The following GSE1 variants were observed in gnomAD, a reference collection of about 807,000 sequenced individuals.
GSE1 encodes genetic suppressor element 1.
In GSE1, 32 loss-of-function variants were observed where a neutral mutation model predicts 112.6. That is an observed-to-expected ratio of 0.28 (90% CI 0.21 to 0.38). GSE1 has a LOEUF of 0.38. GSE1 is among the 10% of genes least tolerant of loss of function. GSE1 has a pLI of 1.00. For missense variants in GSE1, 2,348 were observed against 1,699.2 expected (o/e 1.38, Z -6.71); for synonymous variants, 1,115 against 735.6 (o/e 1.52, Z -8.35).
At chr16:85,414,095 CA>C (rs148268149) in intron 2 of GSE1, among the ~76,000 whole-genome samples, 2,104 of 152,314 alleles carry the variant, frequency 0.014, 31 homozygotes, top group African/African-American at 0.037. Flanking sequence ...TTCTTTATAG[CA>C]GTGTGAGAAC....
At chr16:85,229,415 C>G (rs2075544378) in intron 1 of GSE1, among the ~76,000 whole-genome samples, 2 of 152,362 alleles carry the variant, frequency 1.3e-5, no homozygotes, top group East Asian at 3.9e-4. Context: ...CTCTGGCCTT[C>G]CCTGGCCCAC....
chr16:85,555,485 C>T (rs1486133173), upstream of GSE1: 1 of 985,108 alleles, frequency 1.0e-6, no homozygotes, highest in Non-Finnish European at 1.2e-6. Flanking sequence ...CAATCGCCGC[C>T]TCTTTTATTT....
chr16:85,665,111 C>G lies in GSE1; in HGVS notation c.2741C>G (p.Pro914Arg), dbSNP rs765992898. Residue 914 changes from proline to arginine, a missense_variant, in exon 12 of 16, where the codon CCT becomes CGT. Pro to Arg is a moderately radical substitution (Grantham distance 103). Coordinates refer to ENST00000253458, the MANE Select transcript of GSE1 (RefSeq NM_014615.5). The stretch of plus-strand genomic sequence containing the variant: ...TTGACAAACTCTCCGAGGGACAGTC[C>G]TGCCGTCTCCCTGAGTGGTAAGGGA... ...DSLTNSPRDSPAVSLSEPATQ... is the reference protein window; with the variant it reads ...DSLTNSPRDSRAVSLSEPATQ... 7 of 1,603,996 alleles carry G rather than the reference C, an allele frequency of 4.4e-6. No individual in the cohort carries two copies. In the African/African-American group the frequency reaches 6.7e-5, roughly 15 times the overall value.
chr16:85,501,417 G>A (rs1038604079), intron 2 of GSE1, among the ~76,000 whole-genome samples: 1 of 146,460 alleles, frequency 6.8e-6, no homozygotes, highest in Non-Finnish European at 1.5e-5. Flanking sequence ...TTAGGGGATG[G>A]AGTCTTACTG....
At chr16:85,580,700 GC>G (rs2046413299) in intron 1 of GSE1, among the ~76,000 whole-genome samples, 1 of 152,344 alleles carries the variant, frequency 6.6e-6, no homozygotes, top group South Asian at 2.1e-4. Context: ...TGGAAATGGA[GC>G]CTCTAAGGAA....
chr16:85,246,500 A>ACC lies in GSE1; in HGVS notation c.2283+74705_2283+74706dup, dbSNP rs745863746. Among the ~76,000 whole-genome samples, 65 of 18,508 alleles carry ACC rather than the reference A, an allele frequency of 3.5e-3. 1 individual carries two copies. Among genetic ancestry groups the ACC allele is most frequent in the African/African-American group, 0.011 (62 of 5,898 alleles). 12.1% of individuals were successfully genotyped at this position (18,508 alleles called of 152,430 possible). On this transcript the variant is annotated intron_variant, in intron 1 of 2. Coordinates refer to the GSE1 transcript ENST00000637419. ...ACACACACACACACACACTCTACACACCCCCCCCCCCCCGACGCTGTCTGC... is the reference window on the plus strand; with the variant it reads ...ACACACACACACACACACTCTACACACCCCCCCCCCCCCCCGACGCTGTCTGC...
At chr16:85,191,666 C>T (rs987377300) in intron 1 of GSE1, among the ~76,000 whole-genome samples, 2 of 152,216 alleles carry the variant, frequency 1.3e-5, no homozygotes, top group Non-Finnish European at 2.9e-5. Flanking sequence ...CCGGCATGAA[C>T]ATCCCCCGGT....
chr16:85,527,952 G>C (rs1003175262), intron 2 of GSE1, among the ~76,000 whole-genome samples: 5 of 152,106 alleles, frequency 3.3e-5, no homozygotes, highest in African/African-American at 1.2e-4. Flanking sequence ...CTGGAAGAGA[G>C]AGAGGAGCAT....
chr16:85,510,543 T>C (rs1368731428), intron 2 of GSE1, among the ~76,000 whole-genome samples: 1 of 152,184 alleles, frequency 6.6e-6, no homozygotes, highest in African/African-American at 2.4e-5. Context: ...GCCCTGGGCT[T>C]GGTACCTCAG....
intron 1 of GSE1, among the ~76,000 whole-genome samples, chr16:85,183,509 C>T (rs2074638152): frequency 6.6e-6 from 1 of 152,208 alleles, no homozygotes. Flanking sequence ...CTGCCCTCAC[C>T]CCTGTGGTCC....
intron 3 of GSE1, among the ~76,000 whole-genome samples, chr16:85,653,868 G>A (rs1016952962): frequency 3.9e-5 from 6 of 152,324 alleles, no homozygotes; most frequent in East Asian, 1.9e-4. Context: ...GCTTCACGGC[G>A]TGCTGGGTGC....
At chr16:85,574,113 C>CT (rs2046123047) in intron 1 of GSE1, among the ~76,000 whole-genome samples, 1 of 152,220 alleles carries the variant, frequency 6.6e-6, no homozygotes, top group African/African-American at 2.4e-5. Context: ...CCCCCGGAGC[C>CT]TGAGTTTTTC....
Position 85,657,446 on chromosome 16 carries a change from G to T in GSE1, c.1482G>T (p.Glu494Asp), listed in dbSNP as rs2052059021. Residue 494 changes from glutamate to aspartate, a missense_variant, in exon 8 of 16, where the codon GAG becomes GAT. Transcript: ENST00000253458. Reference sequence around the variant, plus strand: ...TGCTGATCCAGCGCACCAATGAGGAGGAGAAGTGGCTGGCGCGGCAGCGGC... The same window carrying T: ...TGCTGATCCAGCGCACCAATGAGGATGAGAAGTGGCTGGCGCGGCAGCGGC... ...TALLIQRTNE[E>D]EKWLARQRRL... 1 of 1,612,612 alleles carries T rather than the reference G, an allele frequency of 6.2e-7. No homozygotes were observed.
chr16:85,497,807 C>T (rs1381889249), intron 2 of GSE1, among the ~76,000 whole-genome samples: 1 of 152,156 alleles, frequency 6.6e-6, no homozygotes, highest in Non-Finnish European at 1.5e-5. Context: ...TTCTGCACCC[C>T]CGGCCCACAG....
chr16:85,386,108 C>A (rs1267310597), intron 2 of GSE1, among the ~76,000 whole-genome samples: 1 of 152,198 alleles, frequency 6.6e-6, no homozygotes, highest in Non-Finnish European at 1.5e-5. Flanking sequence ...TGAGGGGTCA[C>A]TGGCTCAGAG....
At chr16:85,181,036 T>G (rs963317196) in intron 1 of GSE1, among the ~76,000 whole-genome samples, 2 of 152,230 alleles carry the variant, frequency 1.3e-5, no homozygotes, top group African/African-American at 4.8e-5. Context: ...AAAGAACATG[T>G]GTTTCATGAT....
intron 2 of GSE1, among the ~76,000 whole-genome samples, chr16:85,422,120 C>T (rs1365996061): frequency 6.6e-6 from 1 of 152,130 alleles, no homozygotes; most frequent in Non-Finnish European, 1.5e-5. Context: ...ACCCCCATGT[C>T]CCCAGGGTGT....
In GSE1 at chr16:85,668,304, C is replaced by T. The variant is rs370924725; in HGVS notation, c.3295C>T (p.Arg1099Trp). ...RKGPPTQELD[R>W]DSEEEEEEDD... ...GGGCCCCCCAACCCAGGAGTTGGACCGGGACTCGGAGGAGGAGGAAGAGGA... is the reference window on the plus strand; with the variant it reads ...GGGCCCCCCAACCCAGGAGTTGGACTGGGACTCGGAGGAGGAGGAAGAGGA... The change falls in exon 14 of 16, where the codon CGG becomes TGG. Residue 1099 changes from arginine (R) to tryptophan (W), a missense_variant. Physicochemically the swap from Arg to Trp is moderately radical, Grantham distance 101. Coordinates refer to ENST00000253458, the MANE Select transcript of GSE1 (RefSeq NM_014615.5). 124 of 1,612,506 alleles carry T rather than the reference C, an allele frequency of 7.7e-5. No individual in the cohort carries two copies. Among genetic ancestry groups the T allele is most frequent in the South Asian group, 9.9e-5 (9 of 91,024 alleles).
chr16:85,607,600 C>G (rs777713948), upstream of GSE1, among the ~76,000 whole-genome samples: 1 of 152,180 alleles, frequency 6.6e-6, no homozygotes, highest in East Asian at 1.9e-4. Context: ...TTAACCCTTT[C>G]CTGTTCCCCT....
Sources: allele counts gnomAD v4.1 joint callset (sites outside exome capture counted in the v4.1 genomes callset), GRCh38; gene constraint gnomAD v4.1.1; transcripts MANE v1.5; gene names NCBI Gene and HGNC (gene_info 2026-07-23, HGNC 2026-07-21).